Variants in GALNT17 observed in about 807,000 individuals in gnomAD.
GALNT17 encodes the protein UDP-GalNAc:polypeptide N-acetylgalactosaminyltransferase-like 3.
In GALNT17, 29 loss-of-function variants were observed where a neutral mutation model predicts 63.7. The ratio of observed to expected loss-of-function variants is 0.46; its 90% CI spans 0.34 to 0.62. The LOEUF is 0.62. Ranked by LOEUF, GALNT17 falls within the 20% of genes least tolerant of loss-of-function variation. The pLI, the probability that GALNT17 is intolerant of heterozygous loss-of-function variation, is 0.01. For missense variants in GALNT17, 603 were observed against 799.6 expected, an observed-to-expected ratio of 0.75 and a Z score of 2.97; for synonymous variants, 305 against 318.3, an observed-to-expected ratio of 0.96 and a Z score of 0.45.
intron 1 of GALNT17, among the ~76,000 whole-genome samples, chr7:71,256,889 A>G (rs554309430): frequency 6.6e-6 from 1 of 152,160 alleles, no homozygotes; most frequent in Non-Finnish European, 1.5e-5. Context: ...GCCATCCCAG[A>G]TTCTGTGCTG....
At chr7:71,270,845 AAAAAAT>A (rs1790574404) in intron 1 of GALNT17, among the ~76,000 whole-genome samples, 1 of 152,092 alleles carries the variant, frequency 6.6e-6, no homozygotes, top group African/African-American at 2.4e-5. Flanking sequence ...CTGCAGGAAA[AAAAAAT>A]AAAAAAGAAA....
In GALNT17 at chr7:71,475,506, C is replaced by T. The variant is rs2116626563; in HGVS notation, c.962+54401C>T. Among the ~76,000 whole-genome samples the T allele has an allele frequency of 1.3e-5, 2 of 152,276 alleles. 1 individual carries two copies. The highest frequency in any genetic ancestry group is 4.1e-4 in the South Asian group (2 of 4,824). On this transcript the variant is annotated intron_variant, in intron 5 of 10. Coordinates refer to ENST00000333538, the MANE Select transcript of GALNT17 (RefSeq NM_022479.3). ...CTGCGTCCATAAGAATCTAATGCCG[C>T]TGCTGATCTGACAGCAGGTGGAGCT...
At position 71,355,952 on chromosome 7, in the gene GALNT17, A is replaced by G. The variant is rs367911063; in HGVS notation, c.422+20219A>G. On this transcript the variant is annotated intron_variant, in intron 2 of 10. Coordinates refer to ENST00000333538, the MANE Select transcript of GALNT17 (RefSeq NM_022479.3). ...TTTCTGTTTTCACTTTCTTCTCGAT[A>G]TAGTTACTTTGTATATACGGAGTCT... Among the ~76,000 whole-genome samples, 3 of 151,892 alleles carry G rather than the reference A, an allele frequency of 2.0e-5. No individual in the cohort carries two copies. In the East Asian group the frequency reaches 5.9e-4, roughly 30 times the overall value.
chr7:71,479,330 C>CGT (rs1192386918), intron 5 of GALNT17, among the ~76,000 whole-genome samples: 3 of 151,892 alleles, frequency 2.0e-5, no homozygotes, highest in Non-Finnish European at 2.9e-5. Flanking sequence ...TTTCCCCACT[C>CGT]AGTTTTGCAC....
chr7:71,202,613 C>G (rs2116370909), intron 1 of GALNT17, among the ~76,000 whole-genome samples: 1 of 152,234 alleles, frequency 6.6e-6, no homozygotes, highest in Non-Finnish European at 1.5e-5. Context: ...ATTAACATGT[C>G]CATCATTGCA....
chr7:71,397,787 G>T (rs1332138137), intron 3 of GALNT17, among the ~76,000 whole-genome samples: 1 of 152,168 alleles, frequency 6.6e-6, no homozygotes, highest in Non-Finnish European at 1.5e-5. Flanking sequence ...ACACCTGGAA[G>T]CTTCTTAAGA....
At chr7:71,261,797 C>G (rs139259057) in intron 1 of GALNT17, among the ~76,000 whole-genome samples, 1 of 152,166 alleles carries the variant, frequency 6.6e-6, no homozygotes, top group Non-Finnish European at 1.5e-5. Flanking sequence ...GCTTTTTGCA[C>G]GTGTACTTCA....
intron 1 of GALNT17, among the ~76,000 whole-genome samples, chr7:71,228,547 A>G (rs966648897): frequency 1.3e-4 from 19 of 151,940 alleles, no homozygotes; most frequent in African/African-American, 4.6e-4. Flanking sequence ...GCAGGGCTGC[A>G]CTCCCTCCAG....
chr7:71,160,476 GA>G (rs1292758703), intron 1 of GALNT17, among the ~76,000 whole-genome samples: 1 of 150,094 alleles, frequency 6.7e-6, no homozygotes, highest in African/African-American at 2.4e-5. Context: ...TTTTTTTTTT[GA>G]GACTGAGTTT....
intron 5 of GALNT17, among the ~76,000 whole-genome samples, chr7:71,492,140 G>T (rs6964130): frequency 1.3e-5 from 2 of 152,108 alleles, no homozygotes; most frequent in Non-Finnish European, 2.9e-5. Context: ...TTAGTCGGGC[G>T]TGGTGGCACA....
chr7:71,479,809 C>A (rs953615516), intron 5 of GALNT17, among the ~76,000 whole-genome samples: 13 of 150,726 alleles, frequency 8.6e-5, no homozygotes, highest in Non-Finnish European at 1.5e-4. Flanking sequence ...GGCAATGGGT[C>A]CACTTTGGGG....
At chr7:71,617,984 C>T (rs1050284533) in intron 6 of GALNT17, among the ~76,000 whole-genome samples, 2 of 152,000 alleles carry the variant, frequency 1.3e-5, no homozygotes, top group Non-Finnish European at 2.9e-5. Flanking sequence ...TGCAAACCCT[C>T]TAGTAGTCCA....
At chr7:71,468,327 G>A (rs1360618089) in intron 5 of GALNT17, among the ~76,000 whole-genome samples, 1 of 152,018 alleles carries the variant, frequency 6.6e-6, no homozygotes, top group Non-Finnish European at 1.5e-5. Context: ...ATCACACCCA[G>A]TCTTTTCTAG....
At chr7:71,203,604 G>T (rs984492811) in intron 1 of GALNT17, among the ~76,000 whole-genome samples, 2 of 152,182 alleles carry the variant, frequency 1.3e-5, no homozygotes, top group Non-Finnish European at 2.9e-5. Flanking sequence ...AAATACCTGA[G>T]ACTGGGTAAT....
chr7:71,142,503 TC>T (rs1324591045), intron 1 of GALNT17, among the ~76,000 whole-genome samples: 1 of 152,214 alleles, frequency 6.6e-6, no homozygotes, highest in Admixed American at 6.5e-5. Context: ...GTCATTCATA[TC>T]CGTTAGTGAG....
intron 9 of GALNT17, among the ~76,000 whole-genome samples, chr7:71,682,460 G>A (rs1791282299): frequency 6.6e-6 from 1 of 152,110 alleles, no homozygotes. Flanking sequence ...CCTCCCTCAA[G>A]CTTCTGCCCA....
chr7:71,677,761 C>T (rs987823619), intron 9 of GALNT17, among the ~76,000 whole-genome samples: 7 of 151,956 alleles, frequency 4.6e-5, no homozygotes, highest in East Asian at 1.9e-4. Flanking sequence ...GTGATCCGCC[C>T]GCCTCGGCCT....
Position 71,171,037 on chromosome 7 carries a change from T to G in GALNT17, c.238+37997T>G, listed in dbSNP as rs573182910. ...TCCCTTAAGGTGACTTAAAATGAGTTTGAGGAAGAAACAGGACAAGGGTAA... is the reference window on the plus strand; with the variant it reads ...TCCCTTAAGGTGACTTAAAATGAGTGTGAGGAAGAAACAGGACAAGGGTAA... On this transcript the variant is annotated intron_variant, in intron 1 of 10. Coordinates refer to ENST00000333538, the MANE Select transcript of GALNT17 (RefSeq NM_022479.3). 2.0e-5 allele frequency among the ~76,000 whole-genome samples: 3 copies of G among 152,166 alleles called. No homozygotes were observed. The South Asian group carries it at 6.2e-4, about 32-fold the overall frequency.
chr7:71,157,429 G>A (rs1013705440), intron 1 of GALNT17, among the ~76,000 whole-genome samples: 3 of 151,814 alleles, frequency 2.0e-5, no homozygotes, highest in South Asian at 2.1e-4. Flanking sequence ...AGGCTGAGGC[G>A]GGTGGATCAC....
Sources: gnomAD v4.1 joint callset for allele counts (sites outside exome capture counted in the v4.1 genomes callset) on GRCh38, gnomAD v4.1.1 for gene constraint, MANE v1.5 for transcripts, NCBI Gene and HGNC (gene_info 2026-07-23, HGNC 2026-07-21) for gene names.